The following RNF216 variants were observed in gnomAD, a reference collection of about 807,000 sequenced individuals.
RNF216 encodes the protein ring finger protein 216.
In RNF216, 72 loss-of-function variants were observed where a neutral mutation model predicts 110.8. The observed-to-expected ratio is 0.65, with a 90% CI of 0.54 to 0.79. The LOEUF (loss-of-function observed/expected upper bound fraction) is 0.79. Among genes scored for constraint, RNF216 ranks in the 30% least tolerant of loss-of-function variants. RNF216 has a pLI of 0.00. For missense variants in RNF216, 1,342 were observed against 1,141.2 expected, an observed-to-expected ratio of 1.18 and a Z score of -2.54; for synonymous variants, 495 against 407.5, an observed-to-expected ratio of 1.21 and a Z score of -2.59.
intron 5 of RNF216, among the ~76,000 whole-genome samples, chr7:5,737,717 C>G (rs765890988): frequency 1.8e-4 from 28 of 152,050 alleles, no homozygotes; most frequent in Non-Finnish European, 3.5e-4. Flanking sequence ...AGGGAAGAAA[C>G]TCACCTGCAA....
intron 13 of RNF216, among the ~76,000 whole-genome samples, chr7:5,687,394 C>CAAAAAAAAAAAAAAAAAAAAAAAAAAAA (rs372177142): frequency 2.0e-5 from 1 of 49,896 alleles, no homozygotes; most frequent in African/African-American, 6.2e-5. Context: ...AACTCCACCT[C>CAAAAAAAAAAAAAAAAAAAAAAAAAAAA]AAAAAAAAAA....
At chr7:5,669,785 G>A (rs896116718) in intron 13 of RNF216, among the ~76,000 whole-genome samples, 10 of 152,138 alleles carry the variant, frequency 6.6e-5, no homozygotes, top group Non-Finnish European at 5.9e-5. Flanking sequence ...CAAGCTACTC[G>A]GGAGGCCGAG....
intron 1 of RNF216, among the ~76,000 whole-genome samples, chr7:5,765,316 T>C (rs1796145049): frequency 6.6e-6 from 1 of 151,032 alleles, no homozygotes. Context: ...AAAAATTAGC[T>C]GGGTGTGGTA....
intron 1 of RNF216, among the ~76,000 whole-genome samples, chr7:5,764,965 G>A (rs571888188): frequency 6.6e-6 from 1 of 151,850 alleles, no homozygotes; most frequent in South Asian, 2.1e-4. Flanking sequence ...AGCTACTCCT[G>A]AGGCTGAGGC....
rs140274722 is a variant in RNF216 at position 5,659,513 on chromosome 7, A to G, written c.2062-7003T>C. Reference sequence around the variant, plus strand: ...AGTGGAGAATGGACCATGGTCACCCAGTAGGACTGAGGCTATAGGAAGGAG... The same window carrying G: ...AGTGGAGAATGGACCATGGTCACCCGGTAGGACTGAGGCTATAGGAAGGAG... On this transcript the variant is annotated intron_variant, in intron 13 of 16. Coordinates refer to ENST00000389902, the MANE Select transcript of RNF216 (RefSeq NM_207111.4). 4.5e-4 allele frequency among the ~76,000 whole-genome samples: 69 copies of G among 152,346 alleles called. 1 individual carries two copies. The East Asian group carries it at 0.012, about 26-fold the overall frequency.
At position 5,736,112 on chromosome 7, in the gene RNF216, TCC is replaced by T. The variant is rs1482549028; in HGVS notation, c.1121+3162_1121+3163del. ...CGTCTCAAAAATAAATAAATAGCTCTCCCTCTCCCTGTCCCTGTCCCTGTCCC... is the reference window on the plus strand; with the variant it reads ...CGTCTCAAAAATAAATAAATAGCTCTCTCTCCCTGTCCCTGTCCCTGTCCC... On this transcript the variant is annotated intron_variant, in intron 5 of 16. Transcript: ENST00000389902. Among the ~76,000 whole-genome samples the T allele has an allele frequency of 6.4e-5, 3 of 46,574 alleles. No homozygotes were observed. In the East Asian group the frequency reaches 2.8e-3, roughly 43 times the overall value. The allele number at this position is 46,574 out of a possible 152,430, so 30.6% of individuals were successfully genotyped here. A position where few individuals can be genotyped will look rare whatever the true frequency, so the allele number is the denominator to read the frequency against.
In RNF216 at chr7:5,719,202, G is replaced by T. The variant is rs1279506266; in HGVS notation, c.1644+1831C>A. 2.0e-5 allele frequency among the ~76,000 whole-genome samples: 3 copies of T among 152,220 alleles called. No individual in the cohort carries two copies. The South Asian group carries it at 6.2e-4, about 32-fold the overall frequency. ...TCGAGACCAGCCTGGACAGCATGGG[G>T]AAACCCAGGCTCTACAAAAAAAGTT... is the stretch of plus-strand genomic sequence containing the variant. On this transcript the variant is annotated intron_variant, in intron 9 of 16. Coordinates refer to ENST00000389902, the MANE Select transcript of RNF216 (RefSeq NM_207111.4).
intron 13 of RNF216, among the ~76,000 whole-genome samples, chr7:5,694,074 A>G (rs1791487799): frequency 1.3e-5 from 2 of 152,226 alleles, no homozygotes; most frequent in South Asian, 4.1e-4. Context: ...AAGGTCTTGG[A>G]AAGTGCCAAG....
intron 9 of RNF216, among the ~76,000 whole-genome samples, chr7:5,718,337 T>G (rs1584505481): frequency 6.6e-6 from 1 of 152,098 alleles, no homozygotes; most frequent in South Asian, 2.1e-4. Flanking sequence ...GCCGAGATCC[T>G]GCCACTGCAC....
Position 5,641,075 on chromosome 7 carries a change from G to A in RNF216, c.2382+79C>T, listed in dbSNP as rs142451243. ...CTTCTCCTAAGTCAAATTTTGTTAC[G>A]TATATTCAAAATATTTGTCATAAAA... On this transcript the variant is annotated intron_variant, in intron 15 of 16. Transcript: ENST00000389902. 1.5e-4 allele frequency: 176 copies of A among 1,150,540 alleles called. 2 individuals are homozygous for A. The African/African-American group carries it at 2.4e-3, about 16-fold the overall frequency. The allele number at this position is 1,150,540 out of a possible 1,614,324, so 71.3% of individuals were successfully genotyped here.
chr7:5,755,195 AG>A (rs1795563364), intron 2 of RNF216, among the ~76,000 whole-genome samples: 1 of 131,634 alleles, frequency 7.6e-6, no homozygotes, highest in Non-Finnish European at 1.7e-5. Flanking sequence ...GAAGGAAGGA[AG>A]GAAGGGAGGG....
intron 15 of RNF216, among the ~76,000 whole-genome samples, chr7:5,640,365 T>C (rs191504913): frequency 5.9e-5 from 9 of 152,222 alleles, no homozygotes; most frequent in Non-Finnish European, 1.2e-4. Flanking sequence ...CCCAGCGTAG[T>C]AGCTAGTGTG....
At chr7:5,756,424 AC>A in intron 2 of RNF216, among the ~76,000 whole-genome samples, 2 of 152,218 alleles carry the variant, frequency 1.3e-5, no homozygotes, top group Non-Finnish European at 2.9e-5. Flanking sequence ...TAAAATATTA[AC>A]TACTTAGCTC....
rs547328495 is a variant in RNF216, at chr7:5,740,855, C to T, written c.1044+118G>A. ...TCTATTCTGTACATCTAGATATATACTTCTTAGGAAAATGAAGTCCACGCA... is the reference window on the plus strand; with the variant it reads ...TCTATTCTGTACATCTAGATATATATTTCTTAGGAAAATGAAGTCCACGCA... On this transcript the variant is annotated intron_variant, in intron 4 of 16. Coordinates refer to ENST00000389902, the MANE Select transcript of RNF216 (RefSeq NM_207111.4). 6.6e-6 allele frequency: 6 copies of T among 911,778 alleles called. No homozygotes were observed. In the African/African-American group the frequency reaches 1.0e-4, roughly 15 times the overall value. The allele number at this position is 911,778 out of a possible 1,614,324, so 56.5% of individuals were successfully genotyped here.
intron 13 of RNF216, among the ~76,000 whole-genome samples, chr7:5,661,029 C>G (rs1291507269): frequency 6.7e-6 from 1 of 148,496 alleles, no homozygotes; most frequent in Non-Finnish European, 1.5e-5. Flanking sequence ...GCAACCTCCG[C>G]CTCCAGGGTT....
chr7:5,752,719 T>G (rs1196672328), intron 3 of RNF216, 127 bp downstream of exon 3: 2 of 846,612 alleles, frequency 2.4e-6, no homozygotes, highest in African/African-American at 1.7e-5. Flanking sequence ...CGAGGTAGAA[T>G]GGAAAAGGGG....
intron 13 of RNF216, among the ~76,000 whole-genome samples, chr7:5,674,105 C>T (rs1457512251): frequency 2.6e-5 from 4 of 151,974 alleles, no homozygotes; most frequent in Admixed American, 1.3e-4. Flanking sequence ...TCTCGGCTCA[C>T]TGCAACCTCC....
At chr7:5,639,837 G>GC (rs1390542604) in intron 15 of RNF216, among the ~76,000 whole-genome samples, 1 of 151,488 alleles carries the variant, frequency 6.6e-6, no homozygotes, top group African/African-American at 2.4e-5. Flanking sequence ...TCAGCTCACT[G>GC]CAAGCTCTGC....
chr7:5,746,841 A>G (rs1411480215), intron 3 of RNF216, among the ~76,000 whole-genome samples: 6 of 152,224 alleles, frequency 3.9e-5, no homozygotes, highest in Non-Finnish European at 8.8e-5. Flanking sequence ...CAGATGAAAA[A>G]GAGTGTTCAT....
Sources: gnomAD v4.1 joint callset for allele counts (sites outside exome capture counted in the v4.1 genomes callset) on GRCh38, gnomAD v4.1.1 for gene constraint, MANE v1.5 for transcripts, NCBI Gene and HGNC (gene_info 2026-07-23, HGNC 2026-07-21) for gene names.